ABCC4: variants seen among roughly 807,000 people sequenced by gnomAD.
The protein encoded by ABCC4 is ATP-binding cassette sub-family C member 4.
A neutral mutation model predicts 168.5 loss-of-function variants in ABCC4; 102 were observed. The ratio of observed to expected loss-of-function variants is 0.61; its 90% CI spans 0.52 to 0.71. The LOEUF (loss-of-function observed/expected upper bound fraction) is 0.71. Among genes scored for constraint, ABCC4 ranks in the 30% least tolerant of loss-of-function variants. ABCC4 has a pLI of 0.00. For synonymous variants in ABCC4, 617 were observed against 590.7 expected, an observed-to-expected ratio of 1.04 and a Z score of -0.65; for missense variants, 1,402 against 1,605.8, an observed-to-expected ratio of 0.87 and a Z score of 2.17.
rs893738642 is a variant in ABCC4 at position 95,109,347 on chromosome 13, G to A, written c.2535+6575C>T. Among the ~76,000 whole-genome samples, 7 of 151,618 alleles carry A rather than the reference G, an allele frequency of 4.6e-5. No individual in the cohort carries two copies. The South Asian group carries it at 1.5e-3, about 32-fold the overall frequency. ...AGACTTTCGCTGGTCCTTAAAGGAT[G>A]AAGAATTAGAAGGGTACATTTGAGG... On this transcript the variant is annotated intron_variant, in intron 20 of 30. Coordinates refer to ENST00000645237, the MANE Select transcript of ABCC4 (RefSeq NM_005845.5).
At chr13:95,298,906 T>A (rs1375629525) in intron 1 of ABCC4, among the ~76,000 whole-genome samples, 1 of 152,100 alleles carries the variant, frequency 6.6e-6, no homozygotes, top group Non-Finnish European at 1.5e-5. Context: ...ACTCAAGTCA[T>A]CAATGGGAGC....
intron 19 of ABCC4, among the ~76,000 whole-genome samples, chr13:95,156,067 C>T (rs796864658): frequency 3.3e-5 from 5 of 152,290 alleles, no homozygotes; most frequent in African/African-American, 1.2e-4. Context: ...ATAATGTATG[C>T]TTCAGGAATT....
At chr13:95,074,913 G>T (rs1866984776) in intron 22 of ABCC4, 1 of 153,556 alleles carries the variant, frequency 6.5e-6, no homozygotes, top group African/African-American at 2.4e-5. Flanking sequence ...TCTGAATTTT[G>T]TAGATTTGGT....
chr13:95,051,644 G>A (rs1279281138), intron 27 of ABCC4, among the ~76,000 whole-genome samples: 1 of 151,792 alleles, frequency 6.6e-6, no homozygotes, highest in Non-Finnish European at 1.5e-5. Context: ...CTTATTAAAT[G>A]CTTACTTTTT....
chr13:95,240,391 C>T (rs1277406056), intron 3 of ABCC4, among the ~76,000 whole-genome samples: 9 of 151,230 alleles, frequency 6.0e-5, no homozygotes, highest in Admixed American at 4.6e-4. Context: ...ATTACCCGGG[C>T]ATGGTGGCAG....
At chr13:95,178,476 C>T (rs2037783560) in intron 11 of ABCC4, among the ~76,000 whole-genome samples, 2 of 152,070 alleles carry the variant, frequency 1.3e-5, no homozygotes, top group South Asian at 4.1e-4. Context: ...AGGAAGCTGG[C>T]TTAGGGAGAC....
At chr13:95,174,444 T>C (rs1417148162) in intron 13 of ABCC4, among the ~76,000 whole-genome samples, 2 of 152,236 alleles carry the variant, frequency 1.3e-5, no homozygotes, top group Non-Finnish European at 2.9e-5. Flanking sequence ...CTGAGTGATT[T>C]CCTAAATTGC....
At chr13:95,205,367 T>G (rs1395463161) in intron 8 of ABCC4, among the ~76,000 whole-genome samples, 1 of 152,060 alleles carries the variant, frequency 6.6e-6, no homozygotes, top group Non-Finnish European at 1.5e-5. Flanking sequence ...AATAAAAAAA[T>G]AATCACAGCC....
intron 29 of ABCC4, among the ~76,000 whole-genome samples, chr13:95,035,065 T>TCTCA (rs2032060676): frequency 6.6e-6 from 1 of 152,176 alleles, no homozygotes; most frequent in Non-Finnish European, 1.5e-5. Flanking sequence ...ACTCTCAGAC[T>TCTCA]CTCAGCCTTG....
chr13:95,300,064 A>G (rs946206427), intron 1 of ABCC4, among the ~76,000 whole-genome samples: 1 of 152,064 alleles, frequency 6.6e-6, no homozygotes, highest in African/African-American at 2.4e-5. Context: ...CTGGTCTCGA[A>G]CTCCTGACCT....
intron 25 of ABCC4, among the ~76,000 whole-genome samples, chr13:95,067,077 G>A (rs543524904): frequency 6.6e-6 from 1 of 152,270 alleles, no homozygotes; most frequent in South Asian, 2.1e-4. Context: ...TGGGAAACAG[G>A]CCAGACAGAC....
At chr13:95,119,741 C>T (rs899405684) in intron 19 of ABCC4, among the ~76,000 whole-genome samples, 3 of 152,036 alleles carry the variant, frequency 2.0e-5, no homozygotes, top group African/African-American at 7.2e-5. Context: ...TTTTTTGTAA[C>T]AAAAAAGTAC....
chr13:95,252,747 G>A (rs1000441480), intron 1 of ABCC4, among the ~76,000 whole-genome samples: 43 of 152,194 alleles, frequency 2.8e-4, no homozygotes, highest in African/African-American at 9.6e-4. Context: ...CACTATCCAC[G>A]GCTTTAGGCA....
At chr13:95,089,352 A>G (rs373001373) in intron 20 of ABCC4, among the ~76,000 whole-genome samples, 29 of 152,262 alleles carry the variant, frequency 1.9e-4, no homozygotes, top group East Asian at 1.7e-3. Flanking sequence ...GGGCCCGGTG[A>G]CTCACACCTG....
At chr13:95,241,034 G>A (rs1010887752) in intron 3 of ABCC4, among the ~76,000 whole-genome samples, 1 of 151,652 alleles carries the variant, frequency 6.6e-6, no homozygotes, top group African/African-American at 2.4e-5. Flanking sequence ...CTCATGTCAG[G>A]CAGCTGAACA....
At chr13:95,135,652 G>C (rs910460221) in intron 19 of ABCC4, among the ~76,000 whole-genome samples, 2 of 152,052 alleles carry the variant, frequency 1.3e-5, no homozygotes, top group Non-Finnish European at 2.9e-5. Flanking sequence ...GAGCTCAAGC[G>C]ATCCACCTGT....
chr13:95,214,196 C>A (rs2039045023), intron 4 of ABCC4, among the ~76,000 whole-genome samples: 1 of 152,094 alleles, frequency 6.6e-6, no homozygotes, highest in South Asian at 2.1e-4. Context: ...GATTTATTCC[C>A]AGAGTCGCTA....
intron 27 of ABCC4, among the ~76,000 whole-genome samples, chr13:95,047,671 G>C (rs1285912645): frequency 6.6e-6 from 1 of 151,862 alleles, no homozygotes. Context: ...TTTTAGTATA[G>C]ATGGGGTTTC....
intron 15 of ABCC4, among the ~76,000 whole-genome samples, chr13:95,165,285 C>A (rs1191811941): frequency 6.6e-6 from 1 of 152,032 alleles, no homozygotes; most frequent in Non-Finnish European, 1.5e-5. Flanking sequence ...GTCTCAGTAA[C>A]CAGAGTTTGG....
Sources: gnomAD v4.1 joint callset for allele counts (sites outside exome capture counted in the v4.1 genomes callset) on GRCh38, gnomAD v4.1.1 for gene constraint, MANE v1.5 for transcripts, NCBI Gene and HGNC (gene_info 2026-07-23, HGNC 2026-07-21) for gene names.